LRP1B: variants seen among roughly 807,000 people sequenced by gnomAD.
LRP1B encodes low-density lipoprotein receptor-related protein 1B.
Under a neutral mutation model 556.6 loss-of-function variants are expected in LRP1B, and 217 were observed. That is an observed-to-expected ratio of 0.39 (90% confidence interval 0.35 to 0.44). The LOEUF is 0.44. LRP1B is among the 20% of genes least tolerant of loss of function. The pLI is 1.00. For synonymous variants in LRP1B, 2,047 were observed against 1,865.8 expected (o/e 1.10, Z -2.50); for missense variants, 5,053 against 5,620.8 (o/e 0.90, Z 3.23).
At chr2:140,524,302 T>C (rs1257394882) in intron 49 of LRP1B, among the ~76,000 whole-genome samples, 2 of 151,840 alleles carry the variant, frequency 1.3e-5, no homozygotes, top group African/African-American at 4.8e-5. Flanking sequence ...GAATGCCTTT[T>C]GTTTAAAAAG....
In LRP1B at chr2:141,711,614, A is replaced by G. The variant is rs531412205; in HGVS notation, c.205+98665T>C. On this transcript the variant is annotated intron_variant, in intron 2 of 90. Transcript: ENST00000389484. Reference sequence around the variant, plus strand: ...TCTTGCATTTCTAGCAATACCCCTGATGCTTTAAAATAAAATTCCCTTTAA... The same window carrying G: ...TCTTGCATTTCTAGCAATACCCCTGGTGCTTTAAAATAAAATTCCCTTTAA... 2.0e-5 allele frequency among the ~76,000 whole-genome samples: 3 copies of G among 152,314 alleles called. No homozygotes were observed. In the South Asian group the frequency reaches 6.2e-4, roughly 32 times the overall value.
At chr2:142,081,949 A>AAGT (rs1705734349) in intron 1 of LRP1B, among the ~76,000 whole-genome samples, 1 of 152,202 alleles carries the variant, frequency 6.6e-6, no homozygotes, top group Admixed American at 6.5e-5. Context: ...CTTGCCCAAG[A>AAGT]TGGTGCAGCT....
chr2:142,122,054 C>T lies in LRP1B; in HGVS notation c.82+8594G>A, dbSNP rs116021023. 5.3e-5 allele frequency among the ~76,000 whole-genome samples: 8 copies of T among 152,230 alleles called. 1 individual carries two copies. The highest frequency in any genetic ancestry group is 3.4e-3 in the Middle Eastern group (1 of 294). On this transcript the variant is annotated intron_variant, in intron 1 of 90. Coordinates refer to ENST00000389484, the MANE Select transcript of LRP1B (RefSeq NM_018557.3). ...ACGATGTGTTTTCACAGACATTACA[C>T]TCTGTGCACTCACAGAACGTTAGGG... is the stretch of plus-strand genomic sequence containing the variant.
intron 1 of LRP1B, among the ~76,000 whole-genome samples, chr2:142,051,177 T>G (rs1051164353): frequency 2.6e-5 from 4 of 152,010 alleles, no homozygotes; most frequent in African/African-American, 9.7e-5. Flanking sequence ...AGTAGTGCCT[T>G]TCTAACAGGC....
chr2:141,030,416 C>T (rs914301373), intron 11 of LRP1B, among the ~76,000 whole-genome samples: 1 of 151,830 alleles, frequency 6.6e-6, no homozygotes, highest in Non-Finnish European at 1.5e-5. Flanking sequence ...GCGAGTTAAA[C>T]CTTGCAATTT....
intron 1 of LRP1B, among the ~76,000 whole-genome samples, chr2:141,841,700 T>C (rs2105761197): frequency 6.6e-6 from 1 of 152,280 alleles, no homozygotes. Context: ...TGTAAGCCAG[T>C]GAGTGATTAT....
At chr2:141,750,978 T>C (rs1268725130) in intron 2 of LRP1B, among the ~76,000 whole-genome samples, 1 of 152,044 alleles carries the variant, frequency 6.6e-6, no homozygotes, top group African/African-American at 2.4e-5. Context: ...TATTACATTT[T>C]AGTATACTCA....
Position 141,905,768 on chromosome 2 carries a change from T to C in LRP1B, c.83-95367A>G, listed in dbSNP as rs1187245308. Among the ~76,000 whole-genome samples, 215 of 122,528 alleles carry C rather than the reference T, an allele frequency of 1.8e-3. 3 individuals are homozygous for C. The highest frequency in any genetic ancestry group is 4.2e-3 in the Middle Eastern group (1 of 240). 80.4% of individuals were successfully genotyped at this position (122,528 alleles called of 152,430 possible). On this transcript the variant is annotated intron_variant, in intron 1 of 90. Transcript: ENST00000389484. Reference sequence around the variant, plus strand: ...AAAATGGATCTGGTTTGAATAGATGTGTGTGTGTGTGTGTGTGTGTGTGTG... The same window carrying C: ...AAAATGGATCTGGTTTGAATAGATGCGTGTGTGTGTGTGTGTGTGTGTGTG...
intron 54 of LRP1B, 102 bp downstream of exon 54, chr2:140,502,861 A>T (rs1274143798): frequency 1.7e-6 from 2 of 1,146,362 alleles, no homozygotes. Flanking sequence ...CATGCTTAAT[A>T]ATTTGCATTT....
At chr2:141,822,118 C>CAGAGAG (rs1417592688) in intron 1 of LRP1B, among the ~76,000 whole-genome samples, 55 of 103,008 alleles carry the variant, frequency 5.3e-4, no homozygotes, top group African/African-American at 2.1e-3. Context: ...CACACACACA[C>CAGAGAG]ACACACACAC....
intron 2 of LRP1B, among the ~76,000 whole-genome samples, chr2:141,715,506 G>A (rs1487915983): frequency 2.0e-5 from 3 of 151,800 alleles, no homozygotes; most frequent in African/African-American, 7.3e-5. Flanking sequence ...CAATTTCTGT[G>A]GTTTCTTCAT....
In LRP1B at chr2:141,188,454, T is replaced by C; in HGVS notation, c.980A>G (p.Asn327Ser). The change falls in exon 7 of 91, where the codon AAT (asparagine) becomes AGT (serine). Residue 327 changes from asparagine to serine, a missense_variant. By Grantham distance (46) the Asn-to-Ser change is conservative. Transcript: ENST00000389484. The part of the protein sequence containing the change: ...CVTLIDLELH[N>S]PKAIAVDPIA... ...TGGATCTACTGCTATTGCTTTAGGATTGTGAAGCTCCAGATCAATCAGGGT... is the reference window on the plus strand; with the variant it reads ...TGGATCTACTGCTATTGCTTTAGGACTGTGAAGCTCCAGATCAATCAGGGT... 6.2e-7 allele frequency: 1 copy of C among 1,612,600 alleles called. No individual in the cohort carries two copies.
intron 27 of LRP1B, among the ~76,000 whole-genome samples, chr2:140,866,292 C>A (rs894827466): frequency 2.0e-5 from 3 of 152,016 alleles, no homozygotes; most frequent in African/African-American, 7.2e-5. Context: ...TCTAGAGAAG[C>A]GTATTTTTTC....
At chr2:142,021,886 G>A (rs1406851456) in intron 1 of LRP1B, among the ~76,000 whole-genome samples, 1 of 152,058 alleles carries the variant, frequency 6.6e-6, no homozygotes, top group Non-Finnish European at 1.5e-5. Context: ...TCAATCAGGT[G>A]ACCTTTTGTT....
chr2:140,990,590 C>T (rs939999308), intron 16 of LRP1B, among the ~76,000 whole-genome samples: 10 of 151,900 alleles, frequency 6.6e-5, no homozygotes, highest in African/African-American at 1.9e-4. Flanking sequence ...GAGTTTTCTT[C>T]CCTAGTACAA....
intron 7 of LRP1B, among the ~76,000 whole-genome samples, chr2:141,168,784 C>A (rs113703282): frequency 6.6e-6 from 1 of 151,998 alleles, no homozygotes; most frequent in African/African-American, 2.4e-5. Flanking sequence ...GTACTTTACT[C>A]TTCCCCACTT....
chr2:140,521,848 C>CA (rs373366823), intron 49 of LRP1B, among the ~76,000 whole-genome samples: 2 of 151,256 alleles, frequency 1.3e-5, no homozygotes, highest in Admixed American at 6.6e-5. Flanking sequence ...AAATGGAAAA[C>CA]AAAAAAAGAG....
rs35902922 is a variant in LRP1B, at chr2:140,285,968, T to C, written c.12968-11370A>G. 1.9e-3 allele frequency among the ~76,000 whole-genome samples: 296 copies of C among 151,996 alleles called. 2 individuals are homozygous for C. Among genetic ancestry groups the C allele is most frequent in the Non-Finnish European group, 3.6e-3 (246 of 67,876 alleles). ...TCTCTTTATTCAGGAAGTGGTTAGA[T>C]TCTTAATTATACTTCTTTACTTTTC... On this transcript the variant is annotated intron_variant, in intron 84 of 90. Coordinates refer to ENST00000389484, the MANE Select transcript of LRP1B (RefSeq NM_018557.3).
At chr2:141,889,431 A>C (rs990096779) in intron 1 of LRP1B, among the ~76,000 whole-genome samples, 11 of 152,166 alleles carry the variant, frequency 7.2e-5, no homozygotes, top group African/African-American at 2.7e-4. Flanking sequence ...AATGAACATA[A>C]ATGGATGGAA....
Sources: gnomAD v4.1 joint callset for allele counts (sites outside exome capture counted in the v4.1 genomes callset) on GRCh38, gnomAD v4.1.1 for gene constraint, MANE v1.5 for transcripts, NCBI Gene and HGNC (gene_info 2026-07-23, HGNC 2026-07-21) for gene names.